Variants in DDR2 observed in about 807,000 individuals in gnomAD.
DDR2 encodes the protein discoidin domain receptor tyrosine kinase 2.
DDR2 carries 27 observed loss-of-function variants against 94.9 expected under a neutral mutation model. That is an observed-to-expected ratio of 0.28 (90% CI 0.21 to 0.39). DDR2 has a LOEUF of 0.39. DDR2 is among the 10% of genes least tolerant of loss of function. DDR2 has a pLI of 1.00. For missense variants in DDR2, 783 were observed against 1,076.0 expected, an observed-to-expected ratio of 0.73 and a Z score of 3.81; for synonymous variants, 382 against 377.2, an observed-to-expected ratio of 1.01 and a Z score of -0.15.
chr1:162,769,744 T>G (rs772162163), intron 11 of DDR2, among the ~76,000 whole-genome samples: 32 of 152,242 alleles, frequency 2.1e-4, no homozygotes, highest in Admixed American at 3.9e-4. Flanking sequence ...CACATTGTTA[T>G]CTCTGGACAC....
rs1647975163 is a variant in DDR2, at chr1:162,782,782, T to G, written c.*2536T>G. 1 of 152,322 alleles carries G rather than the reference T, an allele frequency of 6.6e-6. No homozygotes were observed. The highest frequency in any genetic ancestry group is 6.5e-5 in the Admixed American group (1 of 15,294). 9.4% of individuals were successfully genotyped at this position (152,322 alleles called of 1,614,324 possible). On this transcript the variant is annotated 3_prime_UTR_variant, in exon 18 of 18. Transcript: ENST00000367921. ...AATCATATTTAAAATGAACTTACAA[T>G]GTCTGAATTTTCCTGGCCTTGAGTC...
chr1:162,775,957 G>A (rs1647527895), intron 15 of DDR2, 114 bp downstream of exon 15: 12 of 1,463,536 alleles, frequency 8.2e-6, no homozygotes, highest in Non-Finnish European at 1.1e-5. Context: ...GGTGGGGGAA[G>A]TCAGTGTGCA....
chr1:162,697,974 C>T (rs533750111), intron 2 of DDR2, among the ~76,000 whole-genome samples: 17 of 152,158 alleles, frequency 1.1e-4, no homozygotes, highest in Non-Finnish European at 2.1e-4. Context: ...TTTTTCATTT[C>T]TAACCCTAAA....
intron 3 of DDR2, among the ~76,000 whole-genome samples, chr1:162,720,349 C>T (rs1661364970): frequency 6.6e-6 from 1 of 152,080 alleles, no homozygotes; most frequent in Non-Finnish European, 1.5e-5. Context: ...CATTATCCTG[C>T]TTTCTAGCAA....
chr1:162,705,380 G>A (rs1660616458), intron 2 of DDR2, among the ~76,000 whole-genome samples: 1 of 152,204 alleles, frequency 6.6e-6, no homozygotes, highest in Non-Finnish European at 1.5e-5. Context: ...TCAGCCTGGC[G>A]GTGTGCTCCT....
intron 3 of DDR2, among the ~76,000 whole-genome samples, chr1:162,730,556 T>A (rs1475228198): frequency 6.6e-6 from 1 of 152,214 alleles, no homozygotes; most frequent in East Asian, 1.9e-4. Flanking sequence ...TGTACAGGTA[T>A]TGCTAACTTG....
intron 2 of DDR2, among the ~76,000 whole-genome samples, 191 bp downstream of exon 2, chr1:162,655,565 A>G (rs1037212347): frequency 2.0e-5 from 3 of 152,200 alleles, no homozygotes; most frequent in Non-Finnish European, 2.9e-5. Context: ...TGGACTGTCA[A>G]TTAACTCATT....
intron 1 of DDR2, among the ~76,000 whole-genome samples, chr1:162,647,531 G>A (rs1657474074): frequency 6.6e-6 from 1 of 152,212 alleles, no homozygotes; most frequent in African/African-American, 2.4e-5. Flanking sequence ...CATAGGCAGA[G>A]CAGTGGCATG....
At chr1:162,760,511 TATATATGTATATACATATACAACTAG>T (rs1558070678) in intron 8 of DDR2, among the ~76,000 whole-genome samples, 4,869 of 94,150 alleles carry the variant, frequency 0.052, 776 homozygotes, top group African/African-American at 0.081. Flanking sequence ...TATACAACTA[TATATATGTATATACATATACAACTAG>T]ATATATGTAT....
intron 2 of DDR2, among the ~76,000 whole-genome samples, chr1:162,657,918 CTTGTT>C (rs982571259): frequency 1.1e-4 from 16 of 152,024 alleles, no homozygotes; most frequent in African/African-American, 3.6e-4. Flanking sequence ...TCGGCTCCCT[CTTGTT>C]TTGTTTTCTC....
chr1:162,715,564 G>A (rs1467351920), intron 2 of DDR2, among the ~76,000 whole-genome samples: 2 of 152,128 alleles, frequency 1.3e-5, no homozygotes, highest in East Asian at 1.9e-4. Flanking sequence ...CCAGATCAAA[G>A]GATGATATAG....
intron 2 of DDR2, among the ~76,000 whole-genome samples, chr1:162,656,833 G>GATTTTTTTTTTTT (rs1657990193): frequency 1.5e-5 from 1 of 65,682 alleles, no homozygotes; most frequent in Non-Finnish European, 3.0e-5. Context: ...TGCCACTGGA[G>GATTTTTTTTTTTT]TTTTTTTTTT....
chr1:162,631,359 C>T (rs1348552983), upstream of DDR2: 1 of 152,128 alleles, frequency 6.6e-6, no homozygotes, highest in Non-Finnish European at 1.5e-5. Context: ...ACTGTGCAAT[C>T]CCAGATTAAC....
intron 1 of DDR2, among the ~76,000 whole-genome samples, chr1:162,639,567 C>T (rs1324653686): frequency 1.3e-5 from 2 of 152,120 alleles, no homozygotes; most frequent in East Asian, 3.8e-4. Flanking sequence ...TCTCAGTAAT[C>T]TTGGATATTG....
chr1:162,769,236 A>T (rs1664146356), intron 11 of DDR2, among the ~76,000 whole-genome samples: 1 of 152,228 alleles, frequency 6.6e-6, no homozygotes, highest in Non-Finnish European at 1.5e-5. Context: ...TCCTCCAAGA[A>T]ATTCTACCCC....
chr1:162,705,757 G>A (rs1660632703), intron 2 of DDR2, among the ~76,000 whole-genome samples: 1 of 152,208 alleles, frequency 6.6e-6, no homozygotes, highest in Non-Finnish European at 1.5e-5. Context: ...CCAGAGGCCA[G>A]CTTACTGTCA....
chr1:162,728,984 G>C (rs578048341), intron 3 of DDR2, among the ~76,000 whole-genome samples: 261 of 152,068 alleles, frequency 1.7e-3, no homozygotes, highest in African/African-American at 5.9e-3. Flanking sequence ...GATTGAAAGA[G>C]ATAATGGAAA....
Position 162,766,859 on chromosome 1 carries a change from C to T in DDR2, c.1163-370C>T, listed in dbSNP as rs148024154. ...CCAGACTGGCCAACATGGAGAAACC[C>T]CATCTCTACTAAAGATACAAAAATT... On this transcript the variant is annotated intron_variant, in intron 10 of 17. Transcript: ENST00000367921. Among the ~76,000 whole-genome samples the T allele has an allele frequency of 6.6e-3, 999 of 152,018 alleles. 15 individuals are homozygous for T. The highest frequency in any genetic ancestry group is 0.022 in the African/African-American group (926 of 41,476).
At chr1:162,727,963 A>C (rs371006163) in intron 3 of DDR2, among the ~76,000 whole-genome samples, 2 of 125,624 alleles carry the variant, frequency 1.6e-5, no homozygotes, top group African/African-American at 6.0e-5. Flanking sequence ...ATATATATCT[A>C]TATATATATA....
Sources: allele counts gnomAD v4.1 joint callset (sites outside exome capture counted in the v4.1 genomes callset), GRCh38; gene constraint gnomAD v4.1.1; transcripts MANE v1.5; gene names NCBI Gene and HGNC (gene_info 2026-07-23, HGNC 2026-07-21).